The following ADORA2B variants were observed in gnomAD, a reference collection of about 807,000 sequenced individuals.
ADORA2B encodes adenosine A2b receptor, also known as adenosine receptor A2b.
A neutral mutation model predicts 20.8 loss-of-function variants in ADORA2B; 18 were observed. That is an observed-to-expected ratio of 0.87 (90% CI 0.60 to 1.29). The LOEUF (loss-of-function observed/expected upper bound fraction) is 1.29, where lower values mean the gene tolerates loss of function less well. ADORA2B is among the 50% of genes most tolerant of loss of function. ADORA2B has a pLI of 0.00. For missense variants in ADORA2B, 441 were observed against 422.7 expected (o/e 1.04, Z -0.38); for synonymous variants, 179 against 178.3 (o/e 1.00, Z -0.03).
the ADORA2B span, among the ~76,000 whole-genome samples, chr17:15,912,230 A>G: frequency 5.9e-5 from 9 of 151,388 alleles, no homozygotes; most frequent in Non-Finnish European, 1.3e-4. Context: ...AAAAAAAAAA[A>G]AAGCCAGGCC....
rs751253666 is a variant in ADORA2B, at chr17:15,974,961, C to T, written c.618C>T (p.Phe206=). 2 of 1,614,042 alleles carry T rather than the reference C, an allele frequency of 1.2e-6. No individual in the cohort carries two copies. Among genetic ancestry groups the T allele is most frequent in the African/African-American group, 1.3e-5 (1 of 74,922 alleles). ...LIMLVIYIKI[F]LVACRQLQRT... ...TGCTGGTGATCTACATTAAGATCTT[C>T]CTGGTGGCCTGCAGGCAGCTTCAGC... Residue 206 remains phenylalanine, a synonymous_variant, in exon 2 of 2, where the codon TTC becomes TTT. Coordinates refer to ENST00000304222, the MANE Select transcript of ADORA2B (RefSeq NM_000676.4).
the ADORA2B span, among the ~76,000 whole-genome samples, chr17:15,888,402 C>T: frequency 2.3e-5 from 3 of 128,332 alleles, 1 homozygote; most frequent in African/African-American, 1.0e-4. Flanking sequence ...CCCCAGGAGC[C>T]TCAGGGGTAC....
At chr17:15,901,073 T>TCTAGGGA in the ADORA2B span, among the ~76,000 whole-genome samples, 1 of 151,998 alleles carries the variant, frequency 6.6e-6, no homozygotes. Flanking sequence ...ACACACAGAC[T>TCTAGGGA]GGGTGCTGCA....
the ADORA2B span, among the ~76,000 whole-genome samples, chr17:15,881,641 C>T: frequency 6.6e-6 from 1 of 152,216 alleles, no homozygotes; most frequent in Non-Finnish European, 1.5e-5. Context: ...TCTGAATTTA[C>T]CCATTCTGGG....
chr17:15,912,348 C>T, the ADORA2B span, among the ~76,000 whole-genome samples: 1 of 151,790 alleles, frequency 6.6e-6, no homozygotes. Flanking sequence ...CCACTGCACT[C>T]CCACTTGGGT....
the ADORA2B span, among the ~76,000 whole-genome samples, chr17:15,908,247 C>T: frequency 1.3e-5 from 2 of 152,124 alleles, no homozygotes; most frequent in African/African-American, 4.8e-5. Context: ...GCCACCATGC[C>T]TGAGTTTTCT....
At chr17:15,940,476 G>T (rs568824823), upstream of ADORA2B, among the ~76,000 whole-genome samples, 14 of 152,348 alleles carry the variant, frequency 9.2e-5, no homozygotes, top group South Asian at 2.1e-4. Context: ...GAGGGATTTT[G>T]TGGGGAGCTG....
chr17:15,936,114 T>A, the ADORA2B span, among the ~76,000 whole-genome samples: 9 of 152,012 alleles, frequency 5.9e-5, no homozygotes, highest in African/African-American at 2.2e-4. Flanking sequence ...TGACCTTGAG[T>A]GACCTGCCCT....
intron 1 of ADORA2B, among the ~76,000 whole-genome samples, chr17:15,955,766 T>C (rs1460004900): frequency 6.6e-6 from 1 of 150,652 alleles, no homozygotes; most frequent in Non-Finnish European, 1.5e-5. Flanking sequence ...TCACCCAGGC[T>C]GGAGTGCAGT....
the ADORA2B span, among the ~76,000 whole-genome samples, chr17:15,879,453 T>TA: frequency 6.7e-6 from 1 of 150,106 alleles, no homozygotes; most frequent in Non-Finnish European, 1.5e-5. Flanking sequence ...TCCCTGACTT[T>TA]AAAAAATAAA....
the ADORA2B span, among the ~76,000 whole-genome samples, chr17:15,925,387 G>A: frequency 3.9e-5 from 6 of 152,164 alleles, no homozygotes; most frequent in Middle Eastern, 3.4e-3. Flanking sequence ...GGCCTCAAGC[G>A]ATCCTGCTAC....
At position 15,970,545 on chromosome 17, in the gene ADORA2B, T is replaced by C. The variant is rs115603145; in HGVS notation, c.336-4134T>C. Among the ~76,000 whole-genome samples the C allele has an allele frequency of 5.4e-3, 825 of 152,318 alleles. 11 individuals are homozygous for C. Among genetic ancestry groups the C allele is most frequent in the African/African-American group, 0.019 (775 of 41,566 alleles). ...AGGAACACAGGCCTGTGAGTACTGATTTAGCTTCTGGTCTTTGGTTTGTGT... is the reference window on the plus strand; with the variant it reads ...AGGAACACAGGCCTGTGAGTACTGACTTAGCTTCTGGTCTTTGGTTTGTGT... On this transcript the variant is annotated intron_variant, in intron 1 of 1. Transcript: ENST00000304222.
At chr17:15,962,317 C>T (rs1970050918) in intron 1 of ADORA2B, among the ~76,000 whole-genome samples, 1 of 152,056 alleles carries the variant, frequency 6.6e-6, no homozygotes, top group Non-Finnish European at 1.5e-5. Flanking sequence ...CAAAACAAGA[C>T]ACAACAACAC....
intron 1 of ADORA2B, among the ~76,000 whole-genome samples, chr17:15,970,122 A>G (rs1034335644): frequency 5.9e-5 from 9 of 152,178 alleles, no homozygotes; most frequent in Admixed American, 5.2e-4. Context: ...ATAACTTCGT[A>G]TTTATATGTT....
chr17:15,869,294 T>C, the ADORA2B span, among the ~76,000 whole-genome samples: 25 of 151,764 alleles, frequency 1.6e-4, no homozygotes, highest in African/African-American at 5.8e-4. Context: ...CACTGTAGCC[T>C]GGGTGACAGA....
At chr17:15,865,825 T>C in the ADORA2B span, among the ~76,000 whole-genome samples, 1 of 144,262 alleles carries the variant, frequency 6.9e-6, no homozygotes, top group African/African-American at 2.7e-5. Flanking sequence ...TAATTTTGCA[T>C]GTATCTTTTT....
intron 1 of ADORA2B, among the ~76,000 whole-genome samples, chr17:15,962,913 C>T (rs906912340): frequency 2.6e-4 from 40 of 152,166 alleles, no homozygotes; most frequent in African/African-American, 9.7e-4. Context: ...TGAGCACTTT[C>T]TTATATTTTG....
the ADORA2B span, among the ~76,000 whole-genome samples, chr17:15,877,732 C>T: frequency 3.3e-5 from 5 of 152,038 alleles, no homozygotes; most frequent in Non-Finnish European, 5.9e-5. Flanking sequence ...GTGTCTGGAG[C>T]TTTGGCTGCT....
chr17:15,963,570 A>G (rs62072058), intron 1 of ADORA2B, among the ~76,000 whole-genome samples: 4 of 152,078 alleles, frequency 2.6e-5, no homozygotes, highest in Non-Finnish European at 5.9e-5. Context: ...TCTCTCAGGG[A>G]CTGCTTATTT....
Sources: allele counts gnomAD v4.1 joint callset (sites outside exome capture counted in the v4.1 genomes callset), GRCh38; gene constraint gnomAD v4.1.1; transcripts MANE v1.5; gene names NCBI Gene and HGNC (gene_info 2026-07-23, HGNC 2026-07-21).